Variants in SUGCT observed in about 807,000 individuals in gnomAD.
SUGCT encodes the protein succinyl-CoA:glutarate-CoA transferase.
In SUGCT, 41 loss-of-function variants were observed where a neutral mutation model predicts 55.0. That is an observed-to-expected ratio of 0.74 (90% CI 0.58 to 0.97). SUGCT has a LOEUF of 0.97. Ranked by LOEUF, SUGCT falls within the 50% of genes least tolerant of loss-of-function variation. SUGCT has a pLI of 0.00. For missense variants in SUGCT, 568 were observed against 547.8 expected (o/e 1.04, Z -0.37); for synonymous variants, 187 against 200.4 (o/e 0.93, Z 0.56).
intron 11 of SUGCT, among the ~76,000 whole-genome samples, chr7:40,467,798 T>C (rs543166049): frequency 2.0e-5 from 3 of 152,298 alleles, no homozygotes; most frequent in African/African-American, 7.2e-5. Flanking sequence ...AGTAATTTAC[T>C]TCTACCAAAA....
chr7:40,526,093 G>T (rs78066162), intron 12 of SUGCT, among the ~76,000 whole-genome samples: 213 of 152,268 alleles, frequency 1.4e-3, no homozygotes, highest in African/African-American at 4.5e-3. Flanking sequence ...GTTAAATGTT[G>T]CTTTAAAGGT....
In SUGCT at chr7:40,676,504, G is replaced by GT. The variant is rs70990639; in HGVS notation, c.1090-72914dup. Reference sequence around the variant, plus strand: ...AAAATCCCTTGCGGTTTTGTTTTTTGTTTTTTTTTTTTTTTTGAGATGGAG... The same window carrying GT: ...AAAATCCCTTGCGGTTTTGTTTTTTGTTTTTTTTTTTTTTTTTGAGATGGAG... On this transcript the variant is annotated intron_variant, in intron 12 of 13. Coordinates refer to ENST00000335693, the MANE Select transcript of SUGCT (RefSeq NM_001193313.2). 8.5e-3 allele frequency among the ~76,000 whole-genome samples: 1,100 copies of GT among 129,060 alleles called. 11 individuals carry two copies. Among genetic ancestry groups the GT allele is most frequent in the Non-Finnish European group, 0.012 (747 of 61,034 alleles). The allele number at this position is 129,060 out of a possible 152,430, so 84.7% of individuals were successfully genotyped here.
the SUGCT span, among the ~76,000 whole-genome samples, chr7:41,005,696 G>A: frequency 9.2e-5 from 14 of 152,268 alleles, no homozygotes; most frequent in East Asian, 2.1e-3. Context: ...CTTTATATCA[G>A]GCTATGTGGT....
intron 8 of SUGCT, among the ~76,000 whole-genome samples, chr7:40,294,312 A>G (rs967808642): frequency 1.3e-5 from 2 of 152,140 alleles, no homozygotes; most frequent in Non-Finnish European, 1.5e-5. Flanking sequence ...GGCAACGAAG[A>G]TATGGACTAA....
intron 7 of SUGCT, among the ~76,000 whole-genome samples, chr7:40,238,604 CA>C (rs1789161862): frequency 6.6e-6 from 1 of 152,154 alleles, no homozygotes; most frequent in Non-Finnish European, 1.5e-5. Flanking sequence ...TAAACTGAGA[CA>C]GAGTGACCTC....
At chr7:40,484,749 A>G (rs1177727133) in intron 11 of SUGCT, among the ~76,000 whole-genome samples, 1 of 152,116 alleles carries the variant, frequency 6.6e-6, no homozygotes, top group Non-Finnish European at 1.5e-5. Flanking sequence ...ATGTAGCACT[A>G]AGATACTGTA....
intron 13 of SUGCT, among the ~76,000 whole-genome samples, chr7:40,801,503 A>G (rs1790814249): frequency 6.6e-6 from 1 of 152,180 alleles, no homozygotes; most frequent in Non-Finnish European, 1.5e-5. Context: ...ACAGTATTCA[A>G]AGTACTTCAT....
At chr7:40,595,049 GA>G (rs916789920) in intron 12 of SUGCT, among the ~76,000 whole-genome samples, 20 of 151,574 alleles carry the variant, frequency 1.3e-4, no homozygotes, top group African/African-American at 3.6e-4. Context: ...TAAGACATCA[GA>G]AAAAAAATAA....
the SUGCT span, among the ~76,000 whole-genome samples, chr7:40,930,725 C>G: frequency 1.3e-5 from 2 of 152,120 alleles, no homozygotes; most frequent in African/African-American, 2.4e-5. Flanking sequence ...CTCTGTTTGT[C>G]TGTTATTGGT....
At chr7:40,755,326 G>A (rs910107132) in intron 13 of SUGCT, among the ~76,000 whole-genome samples, 4 of 152,158 alleles carry the variant, frequency 2.6e-5, no homozygotes, top group Non-Finnish European at 5.9e-5. Flanking sequence ...AACTTACAGT[G>A]TCCTAAATTT....
the SUGCT span, among the ~76,000 whole-genome samples, chr7:41,000,689 T>C: frequency 5.3e-5 from 8 of 152,164 alleles, no homozygotes; most frequent in African/African-American, 1.4e-4. Context: ...TATTTGCAAA[T>C]AATGTTTCCA....
chr7:40,453,484 TC>T (rs779597121), intron 10 of SUGCT, among the ~76,000 whole-genome samples: 12 of 152,210 alleles, frequency 7.9e-5, no homozygotes, highest in Non-Finnish European at 1.8e-4. Context: ...TTGATCCTAA[TC>T]AGCATACCAA....
chr7:40,318,165 G>A (rs1584665961), intron 9 of SUGCT, among the ~76,000 whole-genome samples: 1 of 152,028 alleles, frequency 6.6e-6, no homozygotes, highest in East Asian at 1.9e-4. Flanking sequence ...ACCTAGATTG[G>A]GCAGATGAAC....
chr7:40,583,651 T>C (rs1797217648), intron 12 of SUGCT, among the ~76,000 whole-genome samples: 1 of 152,214 alleles, frequency 6.6e-6, no homozygotes, highest in Admixed American at 6.5e-5. Flanking sequence ...TTACCACATA[T>C]GCATAAATTG....
intron 9 of SUGCT, among the ~76,000 whole-genome samples, chr7:40,346,581 C>T (rs1293896134): frequency 6.6e-6 from 1 of 152,158 alleles, no homozygotes; most frequent in African/African-American, 2.4e-5. Flanking sequence ...AACATAACAT[C>T]TACCTTATTG....
intron 9 of SUGCT, among the ~76,000 whole-genome samples, chr7:40,382,240 A>C (rs916766433): frequency 2.6e-5 from 4 of 152,114 alleles, no homozygotes; most frequent in Non-Finnish European, 4.4e-5. Flanking sequence ...AAAATCTTGC[A>C]TAATCTAGTG....
intron 9 of SUGCT, among the ~76,000 whole-genome samples, chr7:40,445,912 C>T (rs187025128): frequency 3.3e-5 from 5 of 152,156 alleles, no homozygotes; most frequent in Admixed American, 1.3e-4. Flanking sequence ...GGCTCAGTTG[C>T]CATGAGTTCT....
chr7:40,351,934 A>C (rs949882703), intron 9 of SUGCT, among the ~76,000 whole-genome samples: 14 of 152,214 alleles, frequency 9.2e-5, no homozygotes, highest in African/African-American at 3.1e-4. Flanking sequence ...TTAATGTCCA[A>C]GTTTCACCTC....
At chr7:40,237,138 T>G (rs542598219) in intron 6 of SUGCT, among the ~76,000 whole-genome samples, 1 of 150,962 alleles carries the variant, frequency 6.6e-6, no homozygotes, top group South Asian at 2.1e-4. Context: ...CGGCCTGAGT[T>G]TTTTTTTAAG....
Sources: allele counts gnomAD v4.1 joint callset (sites outside exome capture counted in the v4.1 genomes callset), GRCh38; gene constraint gnomAD v4.1.1; transcripts MANE v1.5; gene names NCBI Gene and HGNC (gene_info 2026-07-23, HGNC 2026-07-21).